Variants in RFTN2 observed in about 807,000 individuals in gnomAD.
RFTN2 encodes the protein raftlin family member 2.
A neutral mutation model predicts 52.7 loss-of-function variants in RFTN2; 34 were observed. The observed-to-expected ratio is 0.64, with a 90% CI of 0.49 to 0.86. The LOEUF is 0.86. RFTN2 is among the 40% of genes least tolerant of loss of function. RFTN2 has a pLI of 0.00. For synonymous variants in RFTN2, 203 were observed against 217.7 expected, an observed-to-expected ratio of 0.93 and a Z score of 0.59; for missense variants, 536 against 600.1, an observed-to-expected ratio of 0.89 and a Z score of 1.12.
intron 7 of RFTN2, among the ~76,000 whole-genome samples, chr2:197,609,242 CCCA>C (rs1249809003): frequency 2.6e-5 from 4 of 152,336 alleles, no homozygotes; most frequent in Admixed American, 6.5e-5. Context: ...AATTTACACT[CCCA>C]CCAACAGTGT....
rs1021197543 is a variant in RFTN2, at chr2:197,615,998, G to A, written c.1051-19C>T. On this transcript the variant is annotated intron_variant, in intron 6 of 8. Transcript: ENST00000295049. Reference sequence around the variant, plus strand: ...CACATCCCTGCATGAATAAGTATAAGAGCTCATAGTCTAATGGCAAAGACA... The same window carrying A: ...CACATCCCTGCATGAATAAGTATAAAAGCTCATAGTCTAATGGCAAAGACA... 3 of 1,440,020 alleles carry A rather than the reference G, an allele frequency of 2.1e-6. No individual in the cohort carries two copies. Among genetic ancestry groups the A allele is most frequent in the African/African-American group, 2.8e-5 (2 of 70,910 alleles). 89.2% of individuals were successfully genotyped at this position (1,440,020 alleles called of 1,614,324 possible).
At chr2:197,590,827 T>C (rs1429049650) in intron 8 of RFTN2, among the ~76,000 whole-genome samples, 1 of 152,230 alleles carries the variant, frequency 6.6e-6, no homozygotes, top group Non-Finnish European at 1.5e-5. Context: ...GGCGTGAAGC[T>C]GCAGACCTTC....
intron 8 of RFTN2, among the ~76,000 whole-genome samples, chr2:197,589,259 T>TC (rs2087657339): frequency 1.8e-5 from 2 of 111,318 alleles, no homozygotes; most frequent in Non-Finnish European, 3.7e-5. Context: ...AAAAAGGAGT[T>TC]CCCCTGCACA....
At chr2:197,637,369 C>T (rs1174581905) in intron 3 of RFTN2, among the ~76,000 whole-genome samples, 1 of 152,094 alleles carries the variant, frequency 6.6e-6, no homozygotes, top group East Asian at 1.9e-4. Flanking sequence ...CCATCTGGTC[C>T]TGGACTCTTT....
At chr2:197,656,729 G>T (rs1355076153) in intron 1 of RFTN2, among the ~76,000 whole-genome samples, 1 of 152,154 alleles carries the variant, frequency 6.6e-6, no homozygotes, top group Non-Finnish European at 1.5e-5. Flanking sequence ...TCACTTTCTA[G>T]AGCAGAAATC....
chr2:197,590,111 G>C (rs1033478422), intron 8 of RFTN2, among the ~76,000 whole-genome samples: 2 of 150,882 alleles, frequency 1.3e-5, no homozygotes, highest in Admixed American at 6.7e-5. Flanking sequence ...TTGCTGAGCT[G>C]ACCAGCTGGT....
At chr2:197,599,767 A>G (rs999313251) in intron 7 of RFTN2, among the ~76,000 whole-genome samples, 3 of 152,310 alleles carry the variant, frequency 2.0e-5, no homozygotes, top group East Asian at 1.9e-4. Context: ...TCAGTGAGGC[A>G]AGAGCACTGT....
intron 7 of RFTN2, among the ~76,000 whole-genome samples, chr2:197,604,284 G>A (rs991629588): frequency 2.6e-5 from 4 of 152,182 alleles, no homozygotes; most frequent in Admixed American, 6.6e-5. Flanking sequence ...ACTCACACAT[G>A]TGTGCACCAA....
intron 1 of RFTN2, among the ~76,000 whole-genome samples, chr2:197,655,117 T>G (rs952572329): frequency 6.6e-6 from 1 of 152,176 alleles, no homozygotes; most frequent in Non-Finnish European, 1.5e-5. Context: ...AATAATGAAG[T>G]CATCCCCCTT....
intron 3 of RFTN2, among the ~76,000 whole-genome samples, chr2:197,640,759 C>T (rs546496604): frequency 1.6e-4 from 25 of 152,316 alleles, no homozygotes; most frequent in African/African-American, 6.0e-4. Context: ...TGGCTCCTCC[C>T]CCAGGAATGC....
rs560786180 is a variant in RFTN2, at chr2:197,647,555, C to T, written c.140-889G>A. ...AATAAAATTCATACCAATCTAATAA[C>T]TAAAAATGGGAGAAATGGCATTTAT... On this transcript the variant is annotated intron_variant, in intron 1 of 8. Coordinates refer to ENST00000295049, the MANE Select transcript of RFTN2 (RefSeq NM_144629.3). 3.3e-4 allele frequency among the ~76,000 whole-genome samples: 50 copies of T among 152,238 alleles called. 1 individual carries two copies. The South Asian group carries it at 8.3e-3, about 25-fold the overall frequency.
intron 5 of RFTN2, among the ~76,000 whole-genome samples, chr2:197,625,234 A>C (rs1025911374): frequency 2.0e-5 from 3 of 152,200 alleles, no homozygotes; most frequent in South Asian, 4.1e-4. Context: ...ATATTCTGCA[A>C]ACTTGTGAAC....
At position 197,591,702 on chromosome 2, in the gene RFTN2, G is replaced by A. The variant is rs180928095; in HGVS notation, c.1233+4289C>T. On this transcript the variant is annotated intron_variant, in intron 8 of 8. Transcript: ENST00000295049. Reference sequence around the variant, plus strand: ...GGGCTGCAGGTCCTGAGCCCTGCCCGGCGGGGAGGCAGCTAAGACCCGGTG... The same window carrying A: ...GGGCTGCAGGTCCTGAGCCCTGCCCAGCGGGGAGGCAGCTAAGACCCGGTG... 7.0e-3 allele frequency among the ~76,000 whole-genome samples: 1,068 copies of A among 152,260 alleles called. 16 individuals are homozygous for A. The highest frequency in any genetic ancestry group is 0.025 in the African/African-American group (1,020 of 41,550).
At chr2:197,640,488 A>G (rs1416132406) in intron 3 of RFTN2, among the ~76,000 whole-genome samples, 1 of 152,120 alleles carries the variant, frequency 6.6e-6, no homozygotes, top group Non-Finnish European at 1.5e-5. Context: ...GGTGGGAGTG[A>G]CCCGATTTTC....
rs180939277 is a variant in RFTN2 at position 197,585,761 on chromosome 2, C to T, written c.1233+10230G>A. On this transcript the variant is annotated intron_variant, in intron 8 of 8. Transcript: ENST00000295049. ...TCCGAACTTCCTTTAACAGCCCTCA[C>T]CTTTACCCTCCTGAAGAACTTCTTT... Among the ~76,000 whole-genome samples the T allele has an allele frequency of 1.6e-3, 251 of 152,304 alleles. 4 individuals carry two copies. The highest frequency in any genetic ancestry group is 0.014 in the Admixed American group (215 of 15,294).
At chr2:197,643,851 A>T (rs1348095306) in intron 3 of RFTN2, among the ~76,000 whole-genome samples, 1 of 152,180 alleles carries the variant, frequency 6.6e-6, no homozygotes, top group African/African-American at 2.4e-5. Context: ...TCTCTGCAGA[A>T]CAATTGCCTA....
intron 7 of RFTN2, among the ~76,000 whole-genome samples, chr2:197,608,310 A>ATTTTTT (rs753519789): frequency 7.6e-6 from 1 of 132,226 alleles, no homozygotes; most frequent in African/African-American, 2.8e-5. Context: ...TAGGGACCAG[A>ATTTTTT]TTTTTTTTTT....
Position 197,615,986 on chromosome 2 carries a change from G to T in RFTN2, c.1051-7C>A, listed in dbSNP as rs28625824. 6.6e-7 allele frequency: 1 copy of T among 1,516,954 alleles called. No homozygotes were observed. The highest frequency in any genetic ancestry group is 9.0e-7 in the Non-Finnish European group (1 of 1,114,970). The allele number at this position is 1,516,954 out of a possible 1,614,324, so 94.0% of individuals were successfully genotyped here. On this transcript the variant is annotated splice_region_variant and splice_polypyrimidine_tract_variant and intron_variant, in intron 6 of 8. Transcript: ENST00000295049. ...CTGTTTTGATTTCACATCCCTGCAT[G>T]AATAAGTATAAGAGCTCATAGTCTA...
At position 197,665,746 on chromosome 2, in the gene RFTN2, G is replaced by T. The variant is rs535561163; in HGVS notation, c.139+9574C>A. Among the ~76,000 whole-genome samples, 143 of 151,430 alleles carry T rather than the reference G, an allele frequency of 9.4e-4. 1 individual carries two copies. The highest frequency in any genetic ancestry group is 3.2e-3 in the African/African-American group (134 of 41,256). ...AGCCAGTATATATGTTTTAAGTGGA[G>T]AATTTAATCTACTTACATTCAAGGT... On this transcript the variant is annotated intron_variant, in intron 1 of 8. Transcript: ENST00000295049.
Sources: allele counts gnomAD v4.1 joint callset (sites outside exome capture counted in the v4.1 genomes callset), GRCh38; gene constraint gnomAD v4.1.1; transcripts MANE v1.5; gene names NCBI Gene and HGNC (gene_info 2026-07-23, HGNC 2026-07-21).